The following CFHR2 variants were observed in gnomAD, a reference collection of about 807,000 sequenced individuals.
CFHR2 encodes the protein complement factor H-related protein 2.
CFHR2 carries 22 observed loss-of-function variants against 21.7 expected under a neutral mutation model. That is an observed-to-expected ratio of 1.01 (90% CI 0.72 to 1.45). The LOEUF (loss-of-function observed/expected upper bound fraction) is 1.45, where lower values mean the gene tolerates loss of function less well. Among genes scored for constraint, CFHR2 ranks in the 40% most tolerant of loss-of-function variants. The pLI is 0.00. For missense variants in CFHR2, 294 were observed against 293.3 expected (o/e 1.00, Z -0.02); for synonymous variants, 98 against 97.4 (o/e 1.01, Z -0.04).
chr1:196,956,700 A>AT (rs1364521678), intron 3 of CFHR2, among the ~76,000 whole-genome samples: 1 of 151,930 alleles, frequency 6.6e-6, no homozygotes, highest in Non-Finnish European at 1.5e-5. Context: ...TTCCTATTGG[A>AT]TTTTTTAAAG....
intron 3 of CFHR2, among the ~76,000 whole-genome samples, chr1:196,954,966 CA>C (rs998596752): frequency 1.3e-5 from 2 of 152,226 alleles, no homozygotes; most frequent in African/African-American, 2.4e-5. Flanking sequence ...TCATTTTCCC[CA>C]TTGTCTTAGG....
At chr1:196,945,487 G>A (rs1258458991) in intron 1 of CFHR2, among the ~76,000 whole-genome samples, 1 of 106,260 alleles carries the variant, frequency 9.4e-6, no homozygotes, top group Non-Finnish European at 1.9e-5. Context: ...AGGTTGCCTA[G>A]ATGTTAAATG....
intron 3 of CFHR2, among the ~76,000 whole-genome samples, chr1:196,955,251 C>T (rs994251398): frequency 1.3e-5 from 2 of 152,150 alleles, no homozygotes; most frequent in African/African-American, 4.8e-5. Context: ...GACCTTTGCT[C>T]CAGTTCCTAA....
chr1:196,956,848 T>C (rs1266832429), intron 3 of CFHR2, among the ~76,000 whole-genome samples: 1 of 150,966 alleles, frequency 6.6e-6, no homozygotes, highest in Non-Finnish European at 1.5e-5. Flanking sequence ...AGGTGTTATA[T>C]TTTGAGTACT....
At chr1:196,947,843 CA>C (rs755028829) in intron 1 of CFHR2, among the ~76,000 whole-genome samples, 5 of 152,028 alleles carry the variant, frequency 3.3e-5, no homozygotes, top group Non-Finnish European at 7.4e-5. Context: ...GAGTGAACCC[CA>C]ACATAAACTA....
chr1:196,956,937 T>C (rs1652906413), intron 3 of CFHR2, among the ~76,000 whole-genome samples: 1 of 152,134 alleles, frequency 6.6e-6, no homozygotes, highest in Non-Finnish European at 1.5e-5. Context: ...TGGCTTCTGC[T>C]GACATCAATC....
intron 3 of CFHR2, among the ~76,000 whole-genome samples, chr1:196,952,914 C>T (rs921383185): frequency 6.6e-6 from 1 of 152,100 alleles, no homozygotes; most frequent in African/African-American, 2.4e-5. Flanking sequence ...TCCCTTATTC[C>T]AAAAGCATAA....
chr1:196,957,704 T>C (rs1480072288), intron 3 of CFHR2, among the ~76,000 whole-genome samples, 187 bp from the exon 4 acceptor site: 1 of 152,192 alleles, frequency 6.6e-6, no homozygotes, highest in African/African-American at 2.4e-5. Flanking sequence ...TATGTGTTCA[T>C]TCAGTGAGGA....
At chr1:196,945,938 G>A (rs9427930) in intron 1 of CFHR2, among the ~76,000 whole-genome samples, 21,906 of 151,150 alleles carry the variant, frequency 0.14, 1,914 homozygotes, top group African/African-American at 0.25. Context: ...AGGTAACTAG[G>A]CCATATGGTA....
chr1:196,953,161 T>C (rs1185652290), intron 3 of CFHR2, among the ~76,000 whole-genome samples: 1 of 152,230 alleles, frequency 6.6e-6, no homozygotes, highest in East Asian at 1.9e-4. Context: ...CAGTGCAATC[T>C]CTGGGGGCTG....
At position 196,959,353 on chromosome 1, in the gene CFHR2, G is replaced by C; in HGVS notation, c.*273G>C. On this transcript the variant is annotated 3_prime_UTR_variant, in exon 5 of 5. Transcript: ENST00000367415. ...ATATATTCATGGAGTACATAGTAATGTTTCCATATATATAATGTATAATGG... is the reference window on the plus strand; with the variant it reads ...ATATATTCATGGAGTACATAGTAATCTTTCCATATATATAATGTATAATGG... The C allele has an allele frequency of 3.4e-6, 1 of 297,480 alleles. No individual in the cohort carries two copies. The highest frequency in any genetic ancestry group is 4.9e-5 in the South Asian group (1 of 20,210). The allele number at this position is 297,480 out of a possible 1,614,324, so 18.4% of individuals were successfully genotyped here. A position where few individuals can be genotyped will look rare whatever the true frequency, so the allele number is the denominator to read the frequency against.
In CFHR2 at chr1:196,945,885, A is replaced by G. The variant is rs572364547; in HGVS notation, c.58+1947A>G. 2.6e-4 allele frequency among the ~76,000 whole-genome samples: 39 copies of G among 151,554 alleles called. No homozygotes were observed. In the South Asian group the frequency reaches 8.1e-3, roughly 32 times the overall value. ...TAGGCGATTTCCTTCTTATTCAAACATTATAGAGTGGACTTACACAAACCT... is the reference window on the plus strand; with the variant it reads ...TAGGCGATTTCCTTCTTATTCAAACGTTATAGAGTGGACTTACACAAACCT... On this transcript the variant is annotated intron_variant, in intron 1 of 4. Coordinates refer to ENST00000367415, the MANE Select transcript of CFHR2 (RefSeq NM_005666.4).
intron 1 of CFHR2, among the ~76,000 whole-genome samples, chr1:196,945,995 C>G (rs573537686): frequency 0.016 from 2,464 of 151,808 alleles, 42 homozygotes; most frequent in Non-Finnish European, 0.023. Flanking sequence ...TGTTACTGTA[C>G]TGAATACTGT....
rs556998112 is a variant in CFHR2, at chr1:196,944,451, T to C, written c.58+513T>C. Among the ~76,000 whole-genome samples the C allele has an allele frequency of 1.9e-3, 296 of 152,188 alleles. 1 individual carries two copies. The highest frequency in any genetic ancestry group is 6.8e-3 in the African/African-American group (283 of 41,434). On this transcript the variant is annotated intron_variant, in intron 1 of 4. Transcript: ENST00000367415. The stretch of plus-strand genomic sequence containing the variant: ...AACAATAGAAAATATCATTTATATA[T>C]AAACCAGTGAACTGTCAAGAAATTG...
chr1:196,958,415 TGA>T (rs894664239), intron 4 of CFHR2, among the ~76,000 whole-genome samples: 188 of 144,784 alleles, frequency 1.3e-3, no homozygotes, highest in South Asian at 2.4e-3. Flanking sequence ...TGTGTGTGTG[TGA>T]GAGAGAGAGA....
Position 196,959,387 on chromosome 1 carries a change from G to A in CFHR2, c.*307G>A, listed in dbSNP as rs1653032109. Among the ~76,000 whole-genome samples, 1 of 151,710 alleles carries A rather than the reference G, an allele frequency of 6.6e-6. No individual in the cohort carries two copies. The highest frequency in any genetic ancestry group is 1.5e-5 in the Non-Finnish European group (1 of 67,856). On this transcript the variant is annotated 3_prime_UTR_variant, in exon 5 of 5. Transcript: ENST00000367415. ...TATATAATGTATAATGGTCAGTTAG[G>A]GTAATTAGTATATCCATTATCTCAA...
intron 1 of CFHR2, among the ~76,000 whole-genome samples, chr1:196,948,458 T>C (rs1336582131): frequency 6.6e-6 from 1 of 152,008 alleles, no homozygotes; most frequent in Non-Finnish European, 1.5e-5. Flanking sequence ...GTATTTTTAG[T>C]AGAGATGGGC....
In CFHR2 at chr1:196,959,326, G is replaced by T; in HGVS notation, c.*246G>T. The T allele has an allele frequency of 2.6e-6, 1 of 386,470 alleles. No individual in the cohort carries two copies. The highest frequency in any genetic ancestry group is 4.7e-6 in the Non-Finnish European group (1 of 214,978). The allele number at this position is 386,470 out of a possible 1,614,324, so 23.9% of individuals were successfully genotyped here. On this transcript the variant is annotated 3_prime_UTR_variant, in exon 5 of 5. Coordinates refer to ENST00000367415, the MANE Select transcript of CFHR2 (RefSeq NM_005666.4). ...CTTTTTAAAAAAATTGACAATAACTGTATATATTCATGGAGTACATAGTAA... is the reference window on the plus strand; with the variant it reads ...CTTTTTAAAAAAATTGACAATAACTTTATATATTCATGGAGTACATAGTAA...
At chr1:196,946,667 A>T (rs1190208379) in intron 1 of CFHR2, among the ~76,000 whole-genome samples, 1 of 152,326 alleles carries the variant, frequency 6.6e-6, no homozygotes, top group African/African-American at 2.4e-5. Context: ...TTGTCCCACT[A>T]GAAGATCTTC....
Sources: gnomAD v4.1 joint callset for allele counts (sites outside exome capture counted in the v4.1 genomes callset) on GRCh38, gnomAD v4.1.1 for gene constraint, MANE v1.5 for transcripts, NCBI Gene and HGNC (gene_info 2026-07-23, HGNC 2026-07-21) for gene names.